Variants in MYH10 observed in about 807,000 individuals in gnomAD.
MYH10 encodes the protein myosin heavy chain 10.
A neutral mutation model predicts 257.8 loss-of-function variants in MYH10; 55 were observed. That is an observed-to-expected ratio of 0.21 (90% confidence interval 0.17 to 0.27). The LOEUF is 0.27. Among genes scored for constraint, MYH10 ranks in the 10% least tolerant of loss-of-function variants. MYH10 has a pLI of 1.00. For missense variants in MYH10, 1,631 were observed against 2,500.6 expected (o/e 0.65, Z 7.42); for synonymous variants, 854 against 921.7 (o/e 0.93, Z 1.33).
Position 8,484,226 on chromosome 17 carries a change from C to T in MYH10, c.5087G>A (p.Arg1696His), listed in dbSNP as rs748608649. 190 of 1,612,680 alleles carry T rather than the reference C, an allele frequency of 1.2e-4. No homozygotes were observed. The highest frequency in any genetic ancestry group is 1.5e-4 in the Non-Finnish European group (181 of 1,179,468). ...AGCAAAAATCTCATCTCTGGATGCA[C>T]GAGCTTCTTCTAATTCACGTTGGTA... The part of the protein sequence containing the change: ...KDYQRELEEA[R>H]ASRDEIFAQS... The change falls in exon 37 of 43, where the codon CGT (arginine) becomes CAT (histidine). Residue 1696 changes from arginine (R) to histidine (H), a missense_variant. Physicochemically the swap from Arg to His is conservative, Grantham distance 29. This residue lies in a region of MYH10 where 463 missense variants were observed against 621.8 expected (regional missense o/e 0.74). Transcript: ENST00000360416.
intron 4 of MYH10, among the ~76,000 whole-genome samples, chr17:8,584,937 G>A (rs1035291711): frequency 2.0e-5 from 3 of 151,894 alleles, no homozygotes; most frequent in Non-Finnish European, 2.9e-5. Flanking sequence ...TCCGCCTCCC[G>A]GGTTCAAGCA....
chr17:8,601,033 T>C (rs955807426), intron 3 of MYH10, among the ~76,000 whole-genome samples: 4 of 152,238 alleles, frequency 2.6e-5, no homozygotes, highest in Non-Finnish European at 5.9e-5. Flanking sequence ...GTGAATTTCA[T>C]TCCAGGATTC....
chr17:8,599,662 G>A (rs2084517539), intron 3 of MYH10, among the ~76,000 whole-genome samples: 1 of 152,126 alleles, frequency 6.6e-6, no homozygotes, highest in Admixed American at 6.5e-5. Context: ...AAGGAAGGTG[G>A]AAGGAACTAA....
At chr17:8,521,023 A>T (rs765759374) in intron 18 of MYH10, 24 bp from the exon 19 acceptor site, 2 of 1,610,798 alleles carry the variant, frequency 1.2e-6, no homozygotes, top group East Asian at 2.2e-5. Context: ...CAATAGTTTC[A>T]TGGTTTAATC....
At chr17:8,539,576 TG>T (rs1255726285) in intron 14 of MYH10, among the ~76,000 whole-genome samples, 1 of 152,126 alleles carries the variant, frequency 6.6e-6, no homozygotes, top group African/African-American at 2.4e-5. Context: ...AGGCCATAAT[TG>T]AGGATTTAAT....
chr17:8,572,460 C>T (rs1324982087), intron 6 of MYH10, among the ~76,000 whole-genome samples: 1 of 152,112 alleles, frequency 6.6e-6, no homozygotes, highest in Non-Finnish European at 1.5e-5. Context: ...ACATTTTTTG[C>T]TTATCTGTGA....
rs1238423372 is a variant in MYH10 at position 8,604,998 on chromosome 17, A to T, written c.346-16T>A. On this transcript the variant is annotated splice_polypyrimidine_tract_variant and intron_variant, in intron 2 of 42. Coordinates refer to ENST00000360416, the MANE Select transcript of MYH10 (RefSeq NM_001256012.3). ...CAGAATAAGTCTAGAATAAAAATAA[A>T]ATAGAGTATTAAAAAAAAAACCTCT... The T allele has an allele frequency of 9.5e-6, 13 of 1,370,962 alleles. No individual in the cohort carries two copies. Among genetic ancestry groups the T allele is most frequent in the South Asian group, 4.6e-5 (3 of 65,726 alleles). The allele number at this position is 1,370,962 out of a possible 1,614,324, so 84.9% of individuals were successfully genotyped here.
rs868167072 is a variant in MYH10, at chr17:8,474,688, T to C, written c.*1116A>G. On this transcript the variant is annotated 3_prime_UTR_variant, in exon 43 of 43. Coordinates refer to ENST00000360416, the MANE Select transcript of MYH10 (RefSeq NM_001256012.3). The stretch of plus-strand genomic sequence containing the variant: ...GTAGTGTCTAAGGCACTTTCCGTAA[T>C]GTCAGTTTGCTTAACTACCAACCAA... 1.3e-5 allele frequency: 2 copies of C among 152,680 alleles called. No individual in the cohort carries two copies. The highest frequency in any genetic ancestry group is 2.9e-5 in the Non-Finnish European group (2 of 68,048). 9.5% of individuals were successfully genotyped at this position (152,680 alleles called of 1,614,324 possible). A position where few individuals can be genotyped will look rare whatever the true frequency, so the allele number is the denominator to read the frequency against.
intron 19 of MYH10, among the ~76,000 whole-genome samples, chr17:8,519,656 T>C (rs2081584417): frequency 6.6e-6 from 1 of 152,000 alleles, no homozygotes; most frequent in South Asian, 2.1e-4. Flanking sequence ...ATCAGAATGA[T>C]GGCTTTCCTC....
rs188738720 is a variant in MYH10, at chr17:8,523,221, A to T, written c.1958-1936T>A. Among the ~76,000 whole-genome samples, 52 of 152,192 alleles carry T rather than the reference A, an allele frequency of 3.4e-4. No homozygotes were observed. In the East Asian group the frequency reaches 7.9e-3, roughly 23 times the overall value. Reference sequence around the variant, plus strand: ...TTCTACTCTCCACTCAGATGTCACAAAGGTGCCTCTGCCTTCTACAAATGT... The same window carrying T: ...TTCTACTCTCCACTCAGATGTCACATAGGTGCCTCTGCCTTCTACAAATGT... On this transcript the variant is annotated intron_variant, in intron 17 of 42. Transcript: ENST00000360416.
At chr17:8,508,759 T>C (rs1442848461) in intron 25 of MYH10, 82 bp from the exon 26 acceptor site, 7 of 1,547,046 alleles carry the variant, frequency 4.5e-6, no homozygotes, top group Non-Finnish European at 5.3e-6. Flanking sequence ...AGGTCAACTT[T>C]GACTCGAGAG....
chr17:8,576,529 TTAA>T, intron 6 of MYH10, 111 bp downstream of exon 6: 1 of 1,074,550 alleles, frequency 9.3e-7, no homozygotes, highest in Non-Finnish European at 1.3e-6. Flanking sequence ...TTAAAATTTT[TTAA>T]TGACAGATTT....
chr17:8,499,292 G>A lies in MYH10; in HGVS notation c.3929C>T (p.Ala1310Val), dbSNP rs1215444607. 1.4e-5 allele frequency: 23 copies of A among 1,613,596 alleles called. No individual in the cohort carries two copies. Among genetic ancestry groups the A allele is most frequent in the South Asian group, 8.8e-5 (8 of 91,072 alleles). ...TACCTGCAGCTTACTTGCTTTCTCC[G>A]CCAGCTCCACCCTGAGCCTGTCGCC... ...SEGDRLRVELAEKASKLQNEL... is the reference protein window; with the variant it reads ...SEGDRLRVELVEKASKLQNEL... The change falls in exon 30 of 43, where the codon GCG becomes GTG. Residue 1310 changes from alanine to valine, a missense_variant. Around this residue, in one of 11 missense-constraint regions of MYH10, gnomAD observed 463 missense variants for 621.8 expected, o/e 0.74. Coordinates refer to ENST00000360416, the MANE Select transcript of MYH10 (RefSeq NM_001256012.3).
chr17:8,495,407 C>T (rs552019093), intron 30 of MYH10, among the ~76,000 whole-genome samples, 166 bp from the exon 31 acceptor site: 13 of 152,110 alleles, frequency 8.5e-5, no homozygotes, highest in African/African-American at 7.2e-5. Context: ...TGCCTTCAAA[C>T]GGAGCTCAAA....
intron 2 of MYH10, among the ~76,000 whole-genome samples, chr17:8,608,595 C>T (rs1163979633): frequency 6.6e-6 from 1 of 152,184 alleles, no homozygotes; most frequent in Admixed American, 6.5e-5. Flanking sequence ...TTGCCAGAGC[C>T]TTGGGAAAAT....
At chr17:8,492,249 C>G in intron 34 of MYH10, 48 bp downstream of exon 34, 1 of 1,582,700 alleles carries the variant, frequency 6.3e-7, no homozygotes, top group Non-Finnish European at 8.6e-7. Flanking sequence ...GCCCAGGCCC[C>G]TGGGATACTC....
At chr17:8,621,614 G>A (rs1470635171) in intron 2 of MYH10, among the ~76,000 whole-genome samples, 1 of 152,108 alleles carries the variant, frequency 6.6e-6, no homozygotes, top group East Asian at 1.9e-4. Flanking sequence ...AATTGGAAAA[G>A]GGTTGTTCCT....
intron 38 of MYH10, 100 bp downstream of exon 38, chr17:8,481,222 C>G (rs576111299): frequency 8.1e-7 from 1 of 1,239,990 alleles, no homozygotes; most frequent in African/African-American, 1.5e-5. Context: ...GAGGGAGGAG[C>G]AAACCACCCG....
intron 18 of MYH10, 24 bp from the exon 19 acceptor site, chr17:8,521,023 A>G (rs765759374): frequency 8.7e-6 from 14 of 1,610,680 alleles, no homozygotes; most frequent in Non-Finnish European, 1.2e-5. Flanking sequence ...CAATAGTTTC[A>G]TGGTTTAATC....
Sources: allele counts gnomAD v4.1 joint callset (sites outside exome capture counted in the v4.1 genomes callset), GRCh38; gene constraint gnomAD v4.1.1; regional missense constraint gnomAD v4.1.1; transcripts MANE v1.5; gene names NCBI Gene and HGNC (gene_info 2026-07-23, HGNC 2026-07-21).